Variants in VPS53 observed in about 807,000 individuals in gnomAD.
VPS53 encodes the protein vacuolar protein sorting-associated protein 53 homolog.
Under a neutral mutation model 107.0 loss-of-function variants are expected in VPS53, and 70 were observed. The observed-to-expected ratio is 0.65, with a 90% CI of 0.54 to 0.80. The LOEUF (loss-of-function observed/expected upper bound fraction) is 0.80, where lower values mean the gene tolerates loss of function less well. Among genes scored for constraint, VPS53 ranks in the 30% least tolerant of loss-of-function variants. The pLI is 0.00. For synonymous variants in VPS53, 409 were observed against 393.3 expected, an observed-to-expected ratio of 1.04 and a Z score of -0.47; for missense variants, 917 against 1,049.4, an observed-to-expected ratio of 0.87 and a Z score of 1.74.
At chr17:601,448 C>G (rs978697603) in intron 12 of VPS53, among the ~76,000 whole-genome samples, 3 of 152,296 alleles carry the variant, frequency 2.0e-5, no homozygotes, top group Admixed American at 6.5e-5. Flanking sequence ...TTCAGCCTCT[C>G]TCATCATCAC....
At chr17:619,517 T>C (rs1319660798) in intron 11 of VPS53, among the ~76,000 whole-genome samples, 22 of 121,676 alleles carry the variant, frequency 1.8e-4, no homozygotes, top group African/African-American at 6.1e-4. Flanking sequence ...ACTACAGGCG[T>C]GCACCACCAC....
At chr17:631,280 G>A (rs905137952) in intron 8 of VPS53, among the ~76,000 whole-genome samples, 1 of 151,108 alleles carries the variant, frequency 6.6e-6, no homozygotes, top group Admixed American at 6.6e-5. Flanking sequence ...GGAATTGACA[G>A]GGCATACAAG....
chr17:527,259 C>T (rs1160840034), intron 19 of VPS53, among the ~76,000 whole-genome samples: 1 of 151,304 alleles, frequency 6.6e-6, no homozygotes. Flanking sequence ...GTTGCCTGCT[C>T]ATAAACCTGC....
At chr17:634,092 C>T (rs1004122411) in intron 7 of VPS53, among the ~76,000 whole-genome samples, 2 of 152,216 alleles carry the variant, frequency 1.3e-5, no homozygotes, top group African/African-American at 4.8e-5. Context: ...CTCAGGACTA[C>T]TGGCCATCTC....
intron 10 of VPS53, 25 bp from the exon 11 acceptor site, chr17:623,699 C>A: frequency 6.3e-7 from 1 of 1,591,504 alleles, no homozygotes; most frequent in Non-Finnish European, 8.6e-7. Flanking sequence ...GATAAGAATA[C>A]TATCAAACAA....
intron 12 of VPS53, among the ~76,000 whole-genome samples, chr17:593,953 T>C (rs1347037077): frequency 2.0e-5 from 3 of 152,182 alleles, no homozygotes; most frequent in African/African-American, 4.8e-5. Context: ...ATGTGGCACA[T>C]ATACACCATG....
At chr17:599,243 G>A (rs1968198033) in intron 12 of VPS53, among the ~76,000 whole-genome samples, 1 of 152,054 alleles carries the variant, frequency 6.6e-6, no homozygotes, top group African/African-American at 2.4e-5. Context: ...CACCCTGTCT[G>A]GGAGGTGTAC....
In VPS53 at chr17:511,669, C is replaced by T. The variant is rs1389485826; in HGVS notation, c.*7459G>A. On this transcript the variant is annotated 3_prime_UTR_variant, in exon 22 of 22. Coordinates refer to ENST00000437048, the MANE Select transcript of VPS53 (RefSeq NM_001128159.3). ...ACAATTGGAAAGTAATCCAAACAGC[C>T]TGTGAGCTCAGGCTTCCCAGTTAGA... 1 of 152,108 alleles carries T rather than the reference C, an allele frequency of 6.6e-6. No individual in the cohort carries two copies. The highest frequency in any genetic ancestry group is 1.5e-5 in the Non-Finnish European group (1 of 68,026). The allele number at this position is 152,108 out of a possible 1,614,324, so 9.4% of individuals were successfully genotyped here.
At chr17:557,274 C>T (rs562257991) in intron 15 of VPS53, among the ~76,000 whole-genome samples, 4 of 152,310 alleles carry the variant, frequency 2.6e-5, no homozygotes, top group East Asian at 1.9e-4. Flanking sequence ...CTCCTTCTCA[C>T]GGCCTTCTTC....
chr17:637,450 A>C (rs1203162887), intron 7 of VPS53, among the ~76,000 whole-genome samples: 3 of 151,792 alleles, frequency 2.0e-5, no homozygotes, highest in Non-Finnish European at 4.4e-5. Flanking sequence ...TTATTTCTTG[A>C]CTTCTGCGAG....
At chr17:584,408 A>C (rs1342387100) in intron 13 of VPS53, among the ~76,000 whole-genome samples, 1 of 152,180 alleles carries the variant, frequency 6.6e-6, no homozygotes, top group Non-Finnish European at 1.5e-5. Flanking sequence ...TTAGTTTGGA[A>C]GTCTTTGGGA....
intron 12 of VPS53, among the ~76,000 whole-genome samples, chr17:599,036 T>G (rs1468622751): frequency 1.1e-5 from 1 of 91,090 alleles, no homozygotes; most frequent in Non-Finnish European, 2.2e-5. Context: ...AGCCGCCCCA[T>G]CCGGGAGGTG....
chr17:596,886 T>C (rs994112176), intron 12 of VPS53, among the ~76,000 whole-genome samples: 4 of 152,164 alleles, frequency 2.6e-5, no homozygotes, highest in Admixed American at 1.3e-4. Context: ...CTCCTGGAGT[T>C]TGGTGGAATA....
Position 565,741 on chromosome 17 carries a change from C to T in VPS53, c.1314-2996G>A, listed in dbSNP as rs910607115. Among the ~76,000 whole-genome samples, 9 of 152,156 alleles carry T rather than the reference C, an allele frequency of 5.9e-5. No individual in the cohort carries two copies. In the South Asian group the frequency reaches 8.3e-4, roughly 14 times the overall value. On this transcript the variant is annotated intron_variant, in intron 13 of 21. Transcript: ENST00000437048. ...AACGGCTCCCCTGCTGGCCTACTCC[C>T]GGTCACTGGGCCTGTGTGACGTCCT...
chr17:560,367 G>C, intron 15 of VPS53, 59 bp downstream of exon 15: 1 of 1,551,718 alleles, frequency 6.4e-7, no homozygotes, highest in South Asian at 1.2e-5. Flanking sequence ...CTCGCCGAGC[G>C]ACGCAGCCCA....
At chr17:588,869 G>T (rs1324661902) in intron 12 of VPS53, among the ~76,000 whole-genome samples, 1 of 152,208 alleles carries the variant, frequency 6.6e-6, no homozygotes, top group Non-Finnish European at 1.5e-5. Flanking sequence ...GATGAGGATT[G>T]TGAGGGGTGT....
chr17:526,096 T>A (rs377152436), intron 19 of VPS53, among the ~76,000 whole-genome samples: 6 of 152,220 alleles, frequency 3.9e-5, no homozygotes, highest in East Asian at 1.9e-4. Flanking sequence ...TACATTATTT[T>A]CTGTACATTA....
At chr17:532,727 C>T in intron 19 of VPS53, 115 bp downstream of exon 19, 4 of 1,505,490 alleles carry the variant, frequency 2.7e-6, no homozygotes, top group Admixed American at 4.6e-5. Flanking sequence ...ATACTGTCCC[C>T]AAACAGGGGA....
At chr17:577,045 G>A (rs1401657204) in intron 13 of VPS53, among the ~76,000 whole-genome samples, 2 of 142,614 alleles carry the variant, frequency 1.4e-5, no homozygotes, top group African/African-American at 2.7e-5. Context: ...GATCTAGTGC[G>A]TTCCCAGAGA....
Sources: gnomAD v4.1 joint callset for allele counts (sites outside exome capture counted in the v4.1 genomes callset) on GRCh38, gnomAD v4.1.1 for gene constraint, MANE v1.5 for transcripts, NCBI Gene and HGNC (gene_info 2026-07-23, HGNC 2026-07-21) for gene names.